G3BP1: variants seen among roughly 807,000 people sequenced by gnomAD.
G3BP1 encodes the protein G3BP stress granule assembly factor 1, also known as ras GTPase-activating protein-binding protein 1.
Under a neutral mutation model 58.6 loss-of-function variants are expected in G3BP1, and 35 were observed. That is an observed-to-expected ratio of 0.60 (90% confidence interval 0.46 to 0.79). The LOEUF is 0.79. G3BP1 is among the 30% of genes least tolerant of loss of function. The pLI is 0.00. For missense variants in G3BP1, 523 were observed against 580.8 expected (o/e 0.90, Z 1.02); for synonymous variants, 191 against 195.4 (o/e 0.98, Z 0.19).
At chr5:151,793,538 G>A (rs1260009738) in intron 4 of G3BP1, among the ~76,000 whole-genome samples, 1 of 152,220 alleles carries the variant, frequency 6.6e-6, no homozygotes, top group Non-Finnish European at 1.5e-5. Context: ...GTATGTGAGT[G>A]TAGTCTTTTT....
chr5:151,803,799 T>G, intron 11 of G3BP1, 86 bp from the exon 12 acceptor site: 2 of 922,116 alleles, frequency 2.2e-6, no homozygotes, highest in Non-Finnish European at 3.4e-6. Context: ...CAGCCTCTGC[T>G]GGTTCATTAT....
chr5:151,800,907 T>A, intron 11 of G3BP1, 38 bp downstream of exon 11: 3 of 986,136 alleles, frequency 3.0e-6, no homozygotes, highest in Non-Finnish European at 4.7e-6. Context: ...TTTTTTTTTT[T>A]TAAAAAGGGT....
At chr5:151,775,089 C>A (rs1316123361) in intron 1 of G3BP1, among the ~76,000 whole-genome samples, 2 of 152,168 alleles carry the variant, frequency 1.3e-5, no homozygotes, top group African/African-American at 2.4e-5. Flanking sequence ...AAAAAAATTG[C>A]CCTCACAGCC....
chr5:151,793,691 T>C (rs372384452), intron 4 of G3BP1, among the ~76,000 whole-genome samples: 6 of 152,124 alleles, frequency 3.9e-5, no homozygotes, highest in East Asian at 3.9e-4. Flanking sequence ...TAGCATTCCA[T>C]GTAGTGAATA....
chr5:151,791,956 A>AT, intron 4 of G3BP1: 1 of 382,282 alleles, frequency 2.6e-6, no homozygotes, highest in South Asian at 2.0e-5. Context: ...GCCCAGCCTT[A>AT]TTTTTTCTCT....
intron 1 of G3BP1, chr5:151,772,366 C>G (rs1762282690): frequency 6.6e-6 from 1 of 152,078 alleles, no homozygotes; most frequent in African/African-American, 2.4e-5. Flanking sequence ...CCCAGCGTTT[C>G]CCGCCCGCCA....
At chr5:151,773,341 C>G (rs546015014) in intron 1 of G3BP1, among the ~76,000 whole-genome samples, 1 of 152,116 alleles carries the variant, frequency 6.6e-6, no homozygotes, top group Non-Finnish European at 1.5e-5. Flanking sequence ...ACTATTTGGA[C>G]CTCTGTGGAG....
chr5:151,796,003 G>A (rs1581580724), intron 6 of G3BP1, among the ~76,000 whole-genome samples: 1 of 152,144 alleles, frequency 6.6e-6, no homozygotes, highest in Admixed American at 6.5e-5. Flanking sequence ...CATTACGTTA[G>A]TAAGTGCATC....
chr5:151,803,021 A>G (rs1203696541), intron 11 of G3BP1, among the ~76,000 whole-genome samples: 1 of 152,244 alleles, frequency 6.6e-6, no homozygotes, highest in Non-Finnish European at 1.5e-5. Context: ...AAATTAGAAA[A>G]TTACATTGCT....
rs12514272 is a variant in G3BP1, at chr5:151,798,270, G to C, written c.741+842G>C. Among the ~76,000 whole-genome samples the C allele has an allele frequency of 3.9e-5, 6 of 152,236 alleles. No individual in the cohort carries two copies. In the South Asian group the frequency reaches 1.0e-3, roughly 26 times the overall value. On this transcript the variant is annotated intron_variant, in intron 7 of 11. Coordinates refer to ENST00000356245, the MANE Select transcript of G3BP1 (RefSeq NM_005754.3). ...GAGGCTGAGGTAGGAGGATGGCTTA[G>C]CCTGGGAAGTCAAGGCTGCAGTGAG...
intron 1 of G3BP1, among the ~76,000 whole-genome samples, chr5:151,774,530 A>AT (rs1469799308): frequency 2.0e-5 from 3 of 151,354 alleles, no homozygotes; most frequent in Non-Finnish European, 4.4e-5. Flanking sequence ...TTTTTTCTTT[A>AT]TTTTTGTCAG....
intron 5 of G3BP1, among the ~76,000 whole-genome samples, chr5:151,795,077 GC>G (rs1350864553): frequency 6.6e-6 from 1 of 152,102 alleles, no homozygotes; most frequent in Non-Finnish European, 1.5e-5. Flanking sequence ...GGAGATCGAG[GC>G]CATCCTGGCT....
rs76551414 is a variant in G3BP1 at position 151,790,158 on chromosome 5, C to T, written c.96-165C>T. On this transcript the variant is annotated intron_variant, in intron 2 of 11. Transcript: ENST00000356245. ...TGCACATCAAAGATCATAGCCCCGG[C>T]ACATCGAAGCTGCAATGAGCTATGA... Among the ~76,000 whole-genome samples the T allele has an allele frequency of 9.0e-3, 1,327 of 146,864 alleles. 18 individuals carry two copies. The highest frequency in any genetic ancestry group is 0.03 in the African/African-American group (1,187 of 39,580).
At chr5:151,801,147 T>G (rs1164342425) in intron 11 of G3BP1, among the ~76,000 whole-genome samples, 1 of 152,206 alleles carries the variant, frequency 6.6e-6, no homozygotes, top group East Asian at 1.9e-4. Flanking sequence ...CTACCTTTCC[T>G]TGGTGGTGGC....
rs762736138 is a variant in G3BP1 at position 151,807,424 on chromosome 5, T to C, written c.*3333T>C. The C allele has an allele frequency of 8.5e-5, 13 of 152,226 alleles. No homozygotes were observed. The highest frequency in any genetic ancestry group is 1.6e-4 in the Non-Finnish European group (11 of 68,040). 9.4% of individuals were successfully genotyped at this position (152,226 alleles called of 1,614,324 possible). A position where few individuals can be genotyped will look rare whatever the true frequency, so the allele number is the denominator to read the frequency against. On this transcript the variant is annotated 3_prime_UTR_variant, in exon 12 of 12. Transcript: ENST00000356245. ...TTCCTACTGTAGGGAGACTTGAGTCTGGAATACATTCAGAACAAGGTTAAC... is the reference window on the plus strand; with the variant it reads ...TTCCTACTGTAGGGAGACTTGAGTCCGGAATACATTCAGAACAAGGTTAAC...
At chr5:151,776,131 T>C (rs1762365431) in intron 1 of G3BP1, among the ~76,000 whole-genome samples, 1 of 152,222 alleles carries the variant, frequency 6.6e-6, no homozygotes, top group Non-Finnish European at 1.5e-5. Flanking sequence ...CTGTCTTTCC[T>C]TTTGTCTTTC....
chr5:151,800,322 T>A lies in G3BP1; in HGVS notation c.1060T>A (p.Ser354Thr), dbSNP rs1209513135. ...IGNLPHEVDKSELKDFFQSYG... is the reference protein window; with the variant it reads ...IGNLPHEVDKTELKDFFQSYG... ...CAACCTGCCTCATGAAGTGGACAAA[T>A]CAGAGCTTAAAGATTTCTTTCAAAG... Residue 354 changes from serine (S) to threonine (T), a missense_variant, in exon 10 of 12, where the codon TCA (serine) becomes ACA (threonine). Ser to Thr is a moderately conservative substitution (Grantham distance 58, BLOSUM62 1). This residue lies in a region of G3BP1 where 125 missense variants were observed against 181.7 expected (regional missense o/e 0.69). Coordinates refer to ENST00000356245, the MANE Select transcript of G3BP1 (RefSeq NM_005754.3). 1.2e-6 allele frequency: 2 copies of A among 1,613,232 alleles called. No individual in the cohort carries two copies. The highest frequency in any genetic ancestry group is 1.7e-5 in the Admixed American group (1 of 59,986).
chr5:151,796,344 C>T (rs2113242383), intron 6 of G3BP1, among the ~76,000 whole-genome samples: 1 of 152,356 alleles, frequency 6.6e-6, no homozygotes, highest in Non-Finnish European at 1.5e-5. Context: ...TCTTGGCTGA[C>T]TGCAACCTCC....
At chr5:151,773,848 T>C (rs984245668) in intron 1 of G3BP1, among the ~76,000 whole-genome samples, 9 of 152,230 alleles carry the variant, frequency 5.9e-5, no homozygotes, top group African/African-American at 1.9e-4. Context: ...TGACCTACAT[T>C]TAAACTGTTT....
Sources: gnomAD v4.1 joint callset for allele counts (sites outside exome capture counted in the v4.1 genomes callset) on GRCh38, gnomAD v4.1.1 for gene constraint, gnomAD v4.1.1 regional missense constraint, MANE v1.5 for transcripts, NCBI Gene and HGNC (gene_info 2026-07-23, HGNC 2026-07-21) for gene names.